The following STAG3 variants were observed in gnomAD, a reference collection of about 807,000 sequenced individuals.
STAG3 encodes STAG3 cohesin complex component.
Under a neutral mutation model 160.7 loss-of-function variants are expected in STAG3, and 101 were observed. The observed-to-expected ratio is 0.63, with a 90% CI of 0.54 to 0.74. The LOEUF is 0.74. Ranked by LOEUF, STAG3 falls within the 30% of genes least tolerant of loss-of-function variation. The pLI, the probability that STAG3 is intolerant of heterozygous loss-of-function variation, is 0.00. For missense variants in STAG3, 1,188 were observed against 1,517.4 expected, an observed-to-expected ratio of 0.78 and a Z score of 3.61; for synonymous variants, 519 against 585.0, an observed-to-expected ratio of 0.89 and a Z score of 1.63.
At chr7:100,190,834 T>C (rs900430196) in intron 8 of STAG3, among the ~76,000 whole-genome samples, 12 of 152,336 alleles carry the variant, frequency 7.9e-5, no homozygotes, top group African/African-American at 2.6e-4. Context: ...TCTAAACCAA[T>C]GACTTCCTAA....
chr7:100,179,012 G>C (rs1799459821), intron 1 of STAG3, among the ~76,000 whole-genome samples: 1 of 151,352 alleles, frequency 6.6e-6, no homozygotes, highest in Admixed American at 6.6e-5. Flanking sequence ...GTTTTGGTTT[G>C]GTTTTTTCGT....
rs765765104 is a variant in STAG3 at position 100,211,023 on chromosome 7, C to G, written c.3251C>G (p.Pro1084Arg). 118 of 1,613,548 alleles carry G rather than the reference C, an allele frequency of 7.3e-5. No homozygotes were observed. The highest frequency in any genetic ancestry group is 9.7e-5 in the Non-Finnish European group (114 of 1,179,900). The change falls in exon 30 of 34, where the codon CCT becomes CGT. Residue 1084 changes from proline to arginine, a missense_variant. Pro to Arg is a moderately radical substitution (Grantham distance 103, BLOSUM62 -2). Transcript: ENST00000615138. ...KRRRVEGPAKPNREDVSSSQE... is the reference protein window; with the variant it reads ...KRRRVEGPAKRNREDVSSSQE... Reference sequence around the variant, plus strand: ...ATCTGCTTGGCAGGGCCTGCCAAGCCTAACAGAGAGGACGTCTCCTCGTCC... The same window carrying G: ...ATCTGCTTGGCAGGGCCTGCCAAGCGTAACAGAGAGGACGTCTCCTCGTCC...
At chr7:100,181,901 CAA>C (rs3041317) in intron 2 of STAG3, among the ~76,000 whole-genome samples, 187 bp from the exon 3 acceptor site, 21 of 70,242 alleles carry the variant, frequency 3.0e-4, no homozygotes, top group South Asian at 5.0e-4. Context: ...AACTCCGTCT[CAA>C]AAAAAAAAAA....
In STAG3 at chr7:100,199,372, G is replaced by A. The variant is rs376787666; in HGVS notation, c.1573+5G>A. The A allele has an allele frequency of 1.7e-5, 27 of 1,612,056 alleles. No individual in the cohort carries two copies. Among genetic ancestry groups the A allele is most frequent in the East Asian group, 2.2e-5 (1 of 44,888 alleles). On this transcript the variant is annotated splice_donor_5th_base_variant and intron_variant, in intron 15 of 33. Transcript: ENST00000615138. ...TGCTGCTGGAGAAGGACCAGAGTACGTGTCACACGGAGCCAGGGACAGGGA... is the reference window on the plus strand; with the variant it reads ...TGCTGCTGGAGAAGGACCAGAGTACATGTCACACGGAGCCAGGGACAGGGA...
chr7:100,211,745 G>GGGT (rs1229807197), intron 31 of STAG3, 50 bp from the exon 32 acceptor site: 22 of 1,592,392 alleles, frequency 1.4e-5, no homozygotes, highest in Non-Finnish European at 1.6e-5. Context: ...AAACTCTCAG[G>GGGT]GGTCCTCAAA....
chr7:100,188,863 C>T lies in STAG3; in HGVS notation c.562C>T (p.Gln188Ter), dbSNP rs1445172729. The T allele has an allele frequency of 6.2e-7, 1 of 1,614,104 alleles. No homozygotes were observed. The highest frequency in any genetic ancestry group is 1.1e-5 in the South Asian group (1 of 91,086). The change falls in exon 7 of 34, where the codon CAG (glutamine) becomes TAG (stop). Residue 188 changes from glutamine (Q) to a stop codon, truncating the protein, a stop_gained. Coordinates refer to ENST00000615138, the MANE Select transcript of STAG3 (RefSeq NM_001282717.2). LOFTEE classifies it high-confidence loss of function. ...TCCAGGTCCATCCTGGAAGAAGTTC[C>T]AGGGCAGCTTCTGTGAATTTGTGAG... Reference protein sequence around the residue: ...IAPGPSWKKFQGSFCEFVRTL... With the variant: ...IAPGPSWKKF
At chr7:100,211,955 C>A in intron 32 of STAG3, 79 bp downstream of exon 32, 1 of 1,336,814 alleles carries the variant, frequency 7.5e-7, no homozygotes, top group Non-Finnish European at 1.0e-6. Flanking sequence ...TTTCCCCTCT[C>A]TCCGCTCGGT....
At position 100,213,892 on chromosome 7, in the gene STAG3, C is replaced by CT. The variant is rs1413133460; in HGVS notation, c.3672+87dup. ...ACTCATCAAATTGACAGGCCATAGC[C>CT]TGGGGGTGGCCCTCTGGGCTGTCTC... On this transcript the variant is annotated intron_variant, in intron 33 of 33. Coordinates refer to ENST00000615138, the MANE Select transcript of STAG3 (RefSeq NM_001282717.2). 3 of 1,613,128 alleles carry CT rather than the reference C, an allele frequency of 1.9e-6. No individual in the cohort carries two copies. The Admixed American group carries it at 5.0e-5, about 27-fold the overall frequency.
intron 29 of STAG3, among the ~76,000 whole-genome samples, chr7:100,208,552 AAGG>A (rs1402763379): frequency 6.6e-6 from 1 of 152,186 alleles, no homozygotes; most frequent in African/African-American, 2.4e-5. Context: ...TGAACAGAGG[AAGG>A]AGGAGCATCA....
chr7:100,204,938 G>C (rs1333174650), intron 27 of STAG3, 67 bp from the exon 28 acceptor site: 3 of 1,589,318 alleles, frequency 1.9e-6, no homozygotes, highest in African/African-American at 1.3e-5. Context: ...CATTTGGACA[G>C]GATAGCTCAG....
At chr7:100,215,922 G>T (rs1372286798), downstream of STAG3, among the ~76,000 whole-genome samples, 2 of 152,264 alleles carry the variant, frequency 1.3e-5, no homozygotes. Flanking sequence ...CTGTACCTGG[G>T]TTCACACTTG....
Position 100,201,286 on chromosome 7 carries a change from G to T in STAG3, c.2155G>T (p.Glu719Ter). 1 of 1,614,072 alleles carries T rather than the reference G, an allele frequency of 6.2e-7. No homozygotes were observed. Among genetic ancestry groups the T allele is most frequent in the Non-Finnish European group, 8.5e-7 (1 of 1,180,024 alleles). The change falls in exon 21 of 34, where the codon GAG becomes TAG. Residue 719 changes from glutamate (E) to a stop codon, truncating the protein, a stop_gained. Transcript: ENST00000615138. LOFTEE classifies it high-confidence loss of function. ...FYNTHDLTRW[E>*]LYEPCCQLLQ... ...AAGCACTCATGACCTGACTCGCTGG[G>T]AGCTCTATGAGCCATGTTGCCAACT...
intron 1 of STAG3, among the ~76,000 whole-genome samples, chr7:100,180,117 G>A (rs890593426): frequency 6.6e-6 from 1 of 151,964 alleles, no homozygotes; most frequent in African/African-American, 2.4e-5. Flanking sequence ...GTACAGTGGT[G>A]CGATCGTAGC....
At chr7:100,192,637 C>T (rs1282480937) in intron 8 of STAG3, among the ~76,000 whole-genome samples, 4 of 152,206 alleles carry the variant, frequency 2.6e-5, no homozygotes, top group Non-Finnish European at 5.9e-5. Context: ...GTTGCCTAGA[C>T]CGGAATGTAC....
intron 5 of STAG3, among the ~76,000 whole-genome samples, 168 bp from the exon 6 acceptor site, chr7:100,188,285 A>G (rs1373723234): frequency 1.3e-5 from 2 of 152,190 alleles, no homozygotes; most frequent in Admixed American, 1.3e-4. Context: ...AGATTGCCTT[A>G]TAGCAGATAC....
intron 7 of STAG3, 90 bp downstream of exon 7, chr7:100,189,106 A>G (rs1170698011): frequency 1.4e-6 from 2 of 1,424,346 alleles, no homozygotes; most frequent in Non-Finnish European, 2.0e-6. Flanking sequence ...TCCTACCTGC[A>G]TCTTGGCTCT....
At chr7:100,183,049 TGTCGCCCAGGCTGGAGTGCAGTGGCACA>T (rs1799753636) in intron 4 of STAG3, among the ~76,000 whole-genome samples, 1 of 152,150 alleles carries the variant, frequency 6.6e-6, no homozygotes, top group Admixed American at 6.5e-5. Context: ...AGTCTCTTTC[TGTCGCCCAGGCTGGAGTGCAGTGGCACA>T]GTCTTGGCTC....
chr7:100,195,324 G>C lies in STAG3; in HGVS notation c.883G>C (p.Glu295Gln), dbSNP rs141286726. Residue 295 changes from glutamate to glutamine, a missense_variant, in exon 9 of 34, where the codon GAG becomes CAG. Physicochemically the swap from Glu to Gln is conservative, Grantham distance 29. Around this residue, in one of 4 missense-constraint regions of STAG3, gnomAD observed 296 missense variants for 404.0 expected, o/e 0.73. Coordinates refer to ENST00000615138, the MANE Select transcript of STAG3 (RefSeq NM_001282717.2). ...TGTCCTCCAGCTCCAAGAGCATCAA[G>C]AGGAGATTGAGGGGATGATGAATGC... is the stretch of plus-strand genomic sequence containing the variant. ...EKRKELQEHQ[E>Q]EIEGMMNALF... The C allele has an allele frequency of 4.3e-5, 70 of 1,614,188 alleles. No homozygotes were observed. The African/African-American group carries it at 8.3e-4, about 19-fold the overall frequency.
intron 5 of STAG3, among the ~76,000 whole-genome samples, chr7:100,186,764 G>T (rs1392974618): frequency 6.6e-6 from 1 of 152,182 alleles, no homozygotes; most frequent in Non-Finnish European, 1.5e-5. Context: ...AGGGAACCAT[G>T]TTGGTTTAGA....
Sources: allele counts gnomAD v4.1 joint callset (sites outside exome capture counted in the v4.1 genomes callset), GRCh38; gene constraint gnomAD v4.1.1; regional missense constraint gnomAD v4.1.1; transcripts MANE v1.5; gene names NCBI Gene and HGNC (gene_info 2026-07-23, HGNC 2026-07-21).